ACSM3: variants seen among roughly 807,000 people sequenced by gnomAD.
ACSM3 encodes the protein acyl-CoA synthetase medium chain family member 3, also known as acyl-coenzyme A synthetase ACSM3, mitochondrial.
Under a neutral mutation model 74.1 loss-of-function variants are expected in ACSM3, and 61 were observed. The ratio of observed to expected loss-of-function variants is 0.82; its 90% CI spans 0.67 to 1.02. The LOEUF (loss-of-function observed/expected upper bound fraction) is 1.02. Ranked by LOEUF, ACSM3 falls within the 50% of genes least tolerant of loss-of-function variation. The probability of loss-of-function intolerance (pLI) is 0.00; values close to 1 mark genes in which losing one functional copy is unlikely to be tolerated. For synonymous variants in ACSM3, 213 were observed against 241.5 expected (o/e 0.88, Z 1.09); for missense variants, 660 against 697.0 (o/e 0.95, Z 0.60).
intron 9 of ACSM3, chr16:20,789,676 C>CT (rs1260213453): frequency 5.5e-6 from 3 of 548,750 alleles, no homozygotes; most frequent in African/African-American, 4.0e-5. Context: ...TAAAGCAACT[C>CT]TATTTTTCTT....
chr16:20,776,020 G>A lies in ACSM3; in HGVS notation c.401G>A (p.Trp134Ter). The A allele has an allele frequency of 6.2e-7, 1 of 1,614,170 alleles. No homozygotes were observed. The change falls in exon 3 of 14, where the codon TGG (tryptophan) becomes TAG (stop). Residue 134 changes from tryptophan to a stop codon, truncating the protein, a stop_gained. Coordinates refer to ENST00000289416, the MANE Select transcript of ACSM3 (RefSeq NM_005622.4). LOFTEE classifies it high-confidence loss of function. ...ATTCTGCCCAGGGTCCCAGAGTGGT[G>A]GCTTGCAAATGTGGCCTGTCTGCGA... Reference protein sequence around the residue: ...ILILPRVPEWWLANVACLRTG... With the variant: ...ILILPRVPEW
intron 1 of ACSM3, among the ~76,000 whole-genome samples, chr16:20,727,817 G>A (rs1007933860): frequency 6.6e-6 from 1 of 152,290 alleles, no homozygotes; most frequent in African/African-American, 2.4e-5. Context: ...ACTTAATGGA[G>A]TCTAAGGAGT....
At chr16:20,706,040 A>C (rs941669154) in intron 1 of ACSM3, among the ~76,000 whole-genome samples, 18 of 152,042 alleles carry the variant, frequency 1.2e-4, no homozygotes, top group African/African-American at 4.3e-4. Flanking sequence ...AATAGAGAGA[A>C]AAATATTTTT....
Position 20,726,314 on chromosome 16 carries a change from A to G in ACSM3, c.-189-23596A>G, listed in dbSNP as rs991327257. ...TGTATATTTGTTTAATTCAAACTCA[A>G]TACATGAGGAGAGAAAGGAAGAGAG... On this transcript the variant is annotated intron_variant, in intron 1 of 3. Transcript: ENST00000561584. Among the ~76,000 whole-genome samples the G allele has an allele frequency of 2.0e-5, 3 of 152,242 alleles. No individual in the cohort carries two copies. The East Asian group carries it at 5.8e-4, about 29-fold the overall frequency.
chr16:20,738,873 A>C lies in ACSM3; in HGVS notation c.-189-11037A>C, dbSNP rs529028138. On this transcript the variant is annotated intron_variant, in intron 1 of 3. Transcript: ENST00000561584. ...GATACCCAGATGTTATGAGATCGAT[A>C]ATCTTAGCAAGTATTTGTCACACCT... The C allele has an allele frequency of 1.9e-6, 3 of 1,610,682 alleles. No homozygotes were observed. In the African/African-American group the frequency reaches 4.0e-5, roughly 21 times the overall value.
At chr16:20,718,626 C>G (rs2079774207) in intron 1 of ACSM3, 1 of 183,710 alleles carries the variant, frequency 5.4e-6, no homozygotes. Context: ...AGAACTTGTG[C>G]TGGCCGTGCC....
At chr16:20,770,370 G>A in intron 2 of ACSM3, 117 bp downstream of exon 2, 1 of 839,814 alleles carries the variant, frequency 1.2e-6, no homozygotes, top group East Asian at 2.7e-5. Context: ...AGAGGCAGTT[G>A]CTACTGGCAT....
At chr16:20,678,941 G>C (rs1461205429) in intron 1 of ACSM3, among the ~76,000 whole-genome samples, 1 of 152,118 alleles carries the variant, frequency 6.6e-6, no homozygotes, top group African/African-American at 2.4e-5. Flanking sequence ...CTGTAGACTA[G>C]AAGAAGTAAC....
intron 2 of ACSM3, among the ~76,000 whole-genome samples, chr16:20,751,774 G>A (rs2079990572): frequency 6.6e-6 from 1 of 152,070 alleles, no homozygotes. Flanking sequence ...CTTCCCTTGG[G>A]GGTTTTATGA....
chr16:20,781,781 T>C lies in ACSM3; in HGVS notation c.1013T>C (p.Ile338Thr), dbSNP rs2080358723. 6.2e-7 allele frequency: 1 copy of C among 1,605,532 alleles called. No homozygotes were observed. Among genetic ancestry groups the C allele is most frequent in the Non-Finnish European group, 8.5e-7 (1 of 1,172,292 alleles). Residue 338 changes from isoleucine to threonine, a missense_variant, in exon 7 of 14, where the codon ATA becomes ACA. Physicochemically the swap from Ile to Thr is moderately conservative, Grantham distance 89 (BLOSUM62 -1). Coordinates refer to ENST00000289416, the MANE Select transcript of ACSM3 (RefSeq NM_005622.4). Reference protein sequence around the residue: ...TVYRMLVQNDITSYKFKSLKH... With the variant: ...TVYRMLVQNDTTSYKFKSLKH... The stretch of plus-strand genomic sequence containing the variant: ...TACCGAATGCTTGTACAGAATGATA[T>C]AACCAGGTAAGAAATGTTAGTAAAT...
At chr16:20,719,722 T>C (rs997267635) in intron 1 of ACSM3, among the ~76,000 whole-genome samples, 1 of 152,222 alleles carries the variant, frequency 6.6e-6, no homozygotes, top group Non-Finnish European at 1.5e-5. Context: ...CATTTCTAAT[T>C]CAGTGAAACC....
At chr16:20,703,831 A>C (rs981628130) in intron 1 of ACSM3, 7 of 152,188 alleles carry the variant, frequency 4.6e-5, no homozygotes, top group Non-Finnish European at 1.5e-5. Context: ...CAGAACTGGA[A>C]TTATTGTCCT....
At chr16:20,778,485 G>A (rs1488686174) in intron 4 of ACSM3, among the ~76,000 whole-genome samples, 2 of 152,158 alleles carry the variant, frequency 1.3e-5, no homozygotes, top group South Asian at 2.1e-4. Flanking sequence ...ATATTGATAC[G>A]GTTATGTGCC....
chr16:20,717,020 A>C (rs1479420059), intron 1 of ACSM3, among the ~76,000 whole-genome samples: 1 of 152,224 alleles, frequency 6.6e-6, no homozygotes, highest in Non-Finnish European at 1.5e-5. Flanking sequence ...GAAAATACAC[A>C]GGTAAGGTGG....
At chr16:20,759,767 C>T (rs1263901533), upstream of ACSM3, among the ~76,000 whole-genome samples, 1 of 151,954 alleles carries the variant, frequency 6.6e-6, no homozygotes, top group African/African-American at 2.4e-5. Context: ...TAAGTGTTGC[C>T]CTTTGTTCTA....
At chr16:20,675,266 A>G (rs1331757380) in intron 1 of ACSM3, among the ~76,000 whole-genome samples, 1 of 152,110 alleles carries the variant, frequency 6.6e-6, no homozygotes, top group East Asian at 1.9e-4. Context: ...GAGGTGTGTG[A>G]AAGTGTGTGA....
At chr16:20,741,506 T>G (rs556024282) in intron 1 of ACSM3, 3 of 327,658 alleles carry the variant, frequency 9.2e-6, no homozygotes, top group South Asian at 2.6e-5. Context: ...CCGGGACCGG[T>G]ACCTTTTCTG....
intron 1 of ACSM3, among the ~76,000 whole-genome samples, chr16:20,769,235 A>C (rs1177237452): frequency 1.3e-5 from 2 of 152,222 alleles, no homozygotes; most frequent in Admixed American, 6.5e-5. Flanking sequence ...AATCCCTAGA[A>C]CTGTATTTTT....
intron 1 of ACSM3, among the ~76,000 whole-genome samples, chr16:20,749,024 C>T (rs1253367835): frequency 6.6e-6 from 1 of 151,972 alleles, no homozygotes; most frequent in Non-Finnish European, 1.5e-5. Flanking sequence ...TGAGCCATTG[C>T]ACTCTAGCCT....
Sources: gnomAD v4.1 joint callset for allele counts (sites outside exome capture counted in the v4.1 genomes callset) on GRCh38, gnomAD v4.1.1 for gene constraint, MANE v1.5 for transcripts, NCBI Gene and HGNC (gene_info 2026-07-23, HGNC 2026-07-21) for gene names.